ICA1L: variants seen among roughly 807,000 people sequenced by gnomAD.
The protein encoded by ICA1L is islet cell autoantigen 1 like, also known as islet cell autoantigen 1-like protein.
A neutral mutation model predicts 61.3 loss-of-function variants in ICA1L; 50 were observed. That is an observed-to-expected ratio of 0.82 (90% CI 0.65 to 1.03). The LOEUF (loss-of-function observed/expected upper bound fraction) is 1.03, where lower values mean the gene tolerates loss of function less well. Ranked by LOEUF, ICA1L falls within the 50% of genes least tolerant of loss-of-function variation. The pLI, the probability that ICA1L is intolerant of heterozygous loss-of-function variation, is 0.00. For missense variants in ICA1L, 508 were observed against 556.7 expected, an observed-to-expected ratio of 0.91 and a Z score of 0.88; for synonymous variants, 161 against 191.3, an observed-to-expected ratio of 0.84 and a Z score of 1.31.
At chr2:202,854,382 A>G (rs918306909) in intron 1 of ICA1L, among the ~76,000 whole-genome samples, 1 of 152,206 alleles carries the variant, frequency 6.6e-6, no homozygotes, top group African/African-American at 2.4e-5. Context: ...GAGCACCCAG[A>G]TTCATAAAAC....
intron 10 of ICA1L, among the ~76,000 whole-genome samples, chr2:202,796,486 G>A (rs926675971): frequency 3.9e-5 from 6 of 152,170 alleles, no homozygotes; most frequent in Admixed American, 2.0e-4. Context: ...AAACCAGAAC[G>A]TTGGGGGCAT....
chr2:202,795,938 G>A (rs1370955344), intron 10 of ICA1L, among the ~76,000 whole-genome samples: 2 of 152,032 alleles, frequency 1.3e-5, no homozygotes, highest in African/African-American at 2.4e-5. Context: ...GGCTATTTGG[G>A]AGGCTTAGGC....
chr2:202,819,986 G>T, intron 4 of ICA1L, 87 bp from the exon 5 acceptor site: 2 of 986,304 alleles, frequency 2.0e-6, no homozygotes, highest in Non-Finnish European at 3.0e-6. Flanking sequence ...AAGCATATTT[G>T]CTAACAAGAT....
At chr2:202,793,584 A>AG (rs35459554) in intron 10 of ICA1L, among the ~76,000 whole-genome samples, 1 of 145,758 alleles carries the variant, frequency 6.9e-6, no homozygotes, top group Non-Finnish European at 1.5e-5. Flanking sequence ...AGGCTGAGCC[A>AG]GGGAGAACTG....
intron 1 of ICA1L, among the ~76,000 whole-genome samples, chr2:202,854,253 T>C (rs1574381860): frequency 2.0e-5 from 3 of 149,240 alleles, no homozygotes; most frequent in African/African-American, 7.3e-5. Context: ...TACTCTCTGA[T>C]AAAACAGACT....
At chr2:202,817,182 C>T (rs1693560901) in intron 6 of ICA1L, among the ~76,000 whole-genome samples, 1 of 152,184 alleles carries the variant, frequency 6.6e-6, no homozygotes, top group East Asian at 1.9e-4. Flanking sequence ...TCTTCAACCT[C>T]AAATGGTCCC....
intron 10 of ICA1L, among the ~76,000 whole-genome samples, chr2:202,793,494 TAAAAAAAAAAAAAAAAAAA>T (rs755015399): frequency 1.6e-4 from 5 of 31,350 alleles, no homozygotes; most frequent in East Asian, 3.5e-3. Flanking sequence ...CCGTCTCTAC[TAAAAAAAAAAAAAAAAAAA>T]AAAAAAAAAA....
chr2:202,790,278 C>T (rs540530509), intron 10 of ICA1L, among the ~76,000 whole-genome samples: 14 of 152,234 alleles, frequency 9.2e-5, no homozygotes, highest in Non-Finnish European at 1.9e-4. Context: ...AGAGGCATCA[C>T]GGACCTGCAC....
intron 12 of ICA1L, 71 bp downstream of exon 12, chr2:202,785,847 C>G: frequency 1.2e-6 from 1 of 863,852 alleles, no homozygotes; most frequent in Non-Finnish European, 1.8e-6. Flanking sequence ...TAAAGTGATC[C>G]TTTTCTAAAT....
intron 1 of ICA1L, among the ~76,000 whole-genome samples, chr2:202,861,448 T>C (rs1349150659): frequency 1.6e-5 from 2 of 128,298 alleles, no homozygotes; most frequent in Non-Finnish European, 3.3e-5. Flanking sequence ...GTCTTAACTA[T>C]GGATGTTACT....
At chr2:202,819,071 A>C (rs1456264423) in intron 5 of ICA1L, among the ~76,000 whole-genome samples, 1 of 152,238 alleles carries the variant, frequency 6.6e-6, no homozygotes, top group Non-Finnish European at 1.5e-5. Context: ...TGTTGTGTGT[A>C]ATCAATGAGG....
intron 10 of ICA1L, among the ~76,000 whole-genome samples, chr2:202,794,497 A>G (rs1423087596): frequency 6.6e-6 from 1 of 152,174 alleles, no homozygotes; most frequent in Non-Finnish European, 1.5e-5. Context: ...CACTGAAGTC[A>G]GGAAACGTTC....
intron 1 of ICA1L, chr2:202,870,864 G>A (rs886403281): frequency 3.9e-5 from 6 of 152,168 alleles, no homozygotes; most frequent in Non-Finnish European, 8.8e-5. Flanking sequence ...GAGCTGCCAG[G>A]ATGGACTCCC....
intron 10 of ICA1L, among the ~76,000 whole-genome samples, chr2:202,794,726 G>T (rs1250118917): frequency 3.3e-5 from 5 of 151,772 alleles, no homozygotes; most frequent in Non-Finnish European, 5.9e-5. Context: ...TAATGGAAAA[G>T]AAAACCTCAT....
Position 202,817,452 on chromosome 2 carries a change from C to T in ICA1L, c.650G>A (p.Cys217Tyr), listed in dbSNP as rs757788807. 51 of 1,610,002 alleles carry T rather than the reference C, an allele frequency of 3.2e-5. No homozygotes were observed. Among genetic ancestry groups the T allele is most frequent in the Non-Finnish European group, 4.1e-5 (48 of 1,177,680 alleles). Reference protein sequence around the residue: ...QKVDLLGASRCNMLSHSLTTY... With the variant: ...QKVDLLGASRYNMLSHSLTTY... ...AGTGAGCGAATGAGATAGCATATTG[C>T]AGCGACTAGCTCCAAGTAAATCCAC... Residue 217 changes from cysteine (C) to tyrosine (Y), a missense_variant, in exon 6 of 13, where the codon TGC becomes TAC. By Grantham distance (194) the Cys-to-Tyr change is radical. Transcript: ENST00000358299.
chr2:202,832,455 A>G (rs941911505), intron 1 of ICA1L, among the ~76,000 whole-genome samples: 7 of 138,488 alleles, frequency 5.1e-5, no homozygotes, highest in Non-Finnish European at 1.1e-4. Flanking sequence ...AAAAAAAAAA[A>G]GATTTCCCAG....
chr2:202,839,814 T>C (rs1228926426), intron 1 of ICA1L, among the ~76,000 whole-genome samples: 1 of 152,052 alleles, frequency 6.6e-6, no homozygotes. Flanking sequence ...GATTTTTCTC[T>C]AGTGGTATGC....
intron 8 of ICA1L, 83 bp downstream of exon 8, chr2:202,814,619 G>C (rs919208887): frequency 4.3e-5 from 38 of 875,896 alleles, no homozygotes; most frequent in Non-Finnish European, 6.5e-5. Context: ...TTCAGTAAGA[G>C]AAGAAACAAT....
intron 4 of ICA1L, among the ~76,000 whole-genome samples, chr2:202,820,643 A>G (rs763469831): frequency 4.6e-5 from 7 of 152,240 alleles, no homozygotes; most frequent in Admixed American, 2.0e-4. Context: ...GGATGAGGAC[A>G]AGATAACAAG....
Sources: gnomAD v4.1 joint callset for allele counts (sites outside exome capture counted in the v4.1 genomes callset) on GRCh38, gnomAD v4.1.1 for gene constraint, MANE v1.5 for transcripts, NCBI Gene and HGNC (gene_info 2026-07-23, HGNC 2026-07-21) for gene names.